PCDHA1: variants seen among roughly 807,000 people sequenced by gnomAD.
PCDHA1 encodes the protein protocadherin alpha 1, also known as protocadherin alpha-1.
In PCDHA1, 42 loss-of-function variants were observed where a neutral mutation model predicts 61.3. The observed-to-expected ratio is 0.69, with a 90% CI of 0.54 to 0.89. The LOEUF is 0.89. Among genes scored for constraint, PCDHA1 ranks in the 40% least tolerant of loss-of-function variants. The pLI is 0.00. For missense variants in PCDHA1, 1,256 were observed against 1,235.3 expected, an observed-to-expected ratio of 1.02 and a Z score of -0.25; for synonymous variants, 610 against 553.8, an observed-to-expected ratio of 1.10 and a Z score of -1.43.
intron 1 of PCDHA1, chr5:140,857,097 T>C (rs782084085): frequency 6.3e-7 from 1 of 1,597,284 alleles, no homozygotes; most frequent in Non-Finnish European, 8.6e-7. Context: ...CCTGAGGTGA[T>C]TGTCACTTCT....
chr5:140,883,306 C>T (rs2059544095), intron 1 of PCDHA1: 2 of 1,614,050 alleles, frequency 1.2e-6, no homozygotes, highest in Non-Finnish European at 8.5e-7. Context: ...TAAATGATAA[C>T]GCCCCAGAGG....
At chr5:140,903,824 T>A (rs1439298617) in intron 1 of PCDHA1, among the ~76,000 whole-genome samples, 3 of 152,202 alleles carry the variant, frequency 2.0e-5, no homozygotes, top group Admixed American at 2.0e-4. Context: ...CACATGAATG[T>A]CTGTTGGTAT....
At chr5:140,793,138 G>T (rs1304394397) in intron 1 of PCDHA1, among the ~76,000 whole-genome samples, 1 of 152,218 alleles carries the variant, frequency 6.6e-6, no homozygotes, top group Non-Finnish European at 1.5e-5. Context: ...TCTGGTAAGA[G>T]TCATCAAACT....
chr5:140,851,631 T>C, intron 1 of PCDHA1: 1 of 919,266 alleles, frequency 1.1e-6, no homozygotes. Flanking sequence ...TTTAAACAAG[T>C]GTTTCCTTTC....
chr5:141,005,256 A>C (rs1307850409), intron 3 of PCDHA1, among the ~76,000 whole-genome samples: 1 of 152,212 alleles, frequency 6.6e-6, no homozygotes, highest in East Asian at 1.9e-4. Flanking sequence ...TGTGCTAGGC[A>C]CTGGTGATAC....
At position 140,801,225 on chromosome 5, in the gene PCDHA1, G is replaced by A. The variant is rs557580137; in HGVS notation, c.2394+12541G>A. On this transcript the variant is annotated intron_variant, in intron 1 of 3. Coordinates refer to ENST00000504120, the MANE Select transcript of PCDHA1 (RefSeq NM_018900.4). ...GTTGTTCTCCTGGCGAGAAGATCCT[G>A]GAGCCCAGTGCCTGCTGCTTTCTCT... The A allele has an allele frequency of 4.3e-6, 7 of 1,610,934 alleles. No individual in the cohort carries two copies. The East Asian group carries it at 8.9e-5, about 21-fold the overall frequency.
At position 140,882,079 on chromosome 5, in the gene PCDHA1, G is replaced by C. The variant is rs2058940272; in HGVS notation, c.2394+93395G>C. 3.1e-6 allele frequency: 3 copies of C among 952,854 alleles called. No homozygotes were observed. In the East Asian group the frequency reaches 7.8e-5, roughly 25 times the overall value. The allele number at this position is 952,854 out of a possible 1,614,324, so 59.0% of individuals were successfully genotyped here. A position where few individuals can be genotyped will look rare whatever the true frequency, so the allele number is the denominator to read the frequency against. On this transcript the variant is annotated intron_variant, in intron 1 of 3. Transcript: ENST00000504120. ...CTTACACGTTCATGCGCATGGTGTCGCTCTTCACTGAGAACGTTTCCGCGA... is the reference window on the plus strand; with the variant it reads ...CTTACACGTTCATGCGCATGGTGTCCCTCTTCACTGAGAACGTTTCCGCGA...
chr5:140,856,920 A>T (rs1554149295), intron 1 of PCDHA1: 1 of 1,595,604 alleles, frequency 6.3e-7, no homozygotes, highest in Admixed American at 1.7e-5. Flanking sequence ...ATAAGAAGGA[A>T]ATTTTGGATA....
intron 1 of PCDHA1, among the ~76,000 whole-genome samples, chr5:140,789,360 G>A (rs782379596): frequency 6.6e-6 from 1 of 152,174 alleles, no homozygotes; most frequent in Non-Finnish European, 1.5e-5. Flanking sequence ...GCTGAGGCAG[G>A]AGAATCGCTT....
chr5:140,801,281 C>A (rs150081104), intron 1 of PCDHA1: 6 of 1,613,424 alleles, frequency 3.7e-6, no homozygotes, highest in Non-Finnish European at 5.1e-6. Flanking sequence ...AGGTGGGGAG[C>A]GGCCAGCTCC....
In PCDHA1 at chr5:140,851,314, CTTG is replaced by C. The variant is rs1205555988; in HGVS notation, c.2394+62633_2394+62635del. On this transcript the variant is annotated intron_variant, in intron 1 of 3. Coordinates refer to ENST00000504120, the MANE Select transcript of PCDHA1 (RefSeq NM_018900.4). ...AGCAAAAATATATAGCAATTGTTACCTTGTTAAGTTTGTAGTTCTCTACATTTC... is the reference window on the plus strand; with the variant it reads ...AGCAAAAATATATAGCAATTGTTACCTTAAGTTTGTAGTTCTCTACATTTC... 1.1e-5 allele frequency: 11 copies of C among 997,988 alleles called. 1 individual carries two copies. The South Asian group carries it at 3.6e-4, about 33-fold the overall frequency. The allele number at this position is 997,988 out of a possible 1,614,324, so 61.8% of individuals were successfully genotyped here.
intron 1 of PCDHA1, among the ~76,000 whole-genome samples, chr5:140,921,342 TA>T (rs1311011800): frequency 6.6e-6 from 1 of 152,188 alleles, no homozygotes; most frequent in African/African-American, 2.4e-5. Flanking sequence ...AATCACATAA[TA>T]TATTTGCCTA....
At chr5:140,834,036 C>A (rs2150213017) in intron 1 of PCDHA1, among the ~76,000 whole-genome samples, 3 of 152,146 alleles carry the variant, frequency 2.0e-5, no homozygotes, top group Admixed American at 2.0e-4. Flanking sequence ...AGCCATCAGT[C>A]GCCTAAGAAT....
intron 1 of PCDHA1, chr5:140,809,153 G>A (rs558715293): frequency 1.3e-5 from 21 of 1,613,816 alleles, no homozygotes; most frequent in Non-Finnish European, 1.6e-5. Flanking sequence ...GGACCACGGC[G>A]AGCCCGCGCT....
chr5:140,797,056 G>T (rs151049201), intron 1 of PCDHA1: 1 of 1,613,760 alleles, frequency 6.2e-7, no homozygotes, highest in Non-Finnish European at 8.5e-7. Flanking sequence ...GGATGTCAAC[G>T]TGTACCTGAT....
At chr5:140,818,277 A>T (rs1766321566) in intron 1 of PCDHA1, among the ~76,000 whole-genome samples, 2 of 152,034 alleles carry the variant, frequency 1.3e-5, no homozygotes, top group African/African-American at 4.8e-5. Context: ...TCTTTGTTTC[A>T]TAATCCATGT....
chr5:140,898,464 T>C (rs2066757130), intron 1 of PCDHA1, among the ~76,000 whole-genome samples: 1 of 152,198 alleles, frequency 6.6e-6, no homozygotes, highest in Admixed American at 6.5e-5. Flanking sequence ...CCCCATTGCT[T>C]GTTTTTCTCA....
At chr5:140,913,966 A>C (rs2076538227) in intron 1 of PCDHA1, among the ~76,000 whole-genome samples, 1 of 152,156 alleles carries the variant, frequency 6.6e-6, no homozygotes, top group Non-Finnish European at 1.5e-5. Context: ...TTTTTAAAAA[A>C]ATATTTTAGG....
intron 1 of PCDHA1, among the ~76,000 whole-genome samples, chr5:140,932,490 A>G (rs1330943965): frequency 6.6e-6 from 1 of 151,852 alleles, no homozygotes; most frequent in South Asian, 2.1e-4. Context: ...CCTCTTTGCA[A>G]TGTCATTTGT....
Sources: allele counts gnomAD v4.1 joint callset (sites outside exome capture counted in the v4.1 genomes callset), GRCh38; gene constraint gnomAD v4.1.1; transcripts MANE v1.5; gene names NCBI Gene and HGNC (gene_info 2026-07-23, HGNC 2026-07-21).